GRM7: variants seen among roughly 807,000 people sequenced by gnomAD.
GRM7 encodes glutamate metabotropic receptor 7.
GRM7 carries 35 observed loss-of-function variants against 84.5 expected under a neutral mutation model. The ratio of observed to expected loss-of-function variants is 0.41; its 90% CI spans 0.32 to 0.55. GRM7 has a LOEUF of 0.55. Ranked by LOEUF, GRM7 falls within the 20% of genes least tolerant of loss-of-function variation. GRM7 has a pLI of 0.19. For synonymous variants in GRM7, 487 were observed against 455.1 expected, an observed-to-expected ratio of 1.07 and a Z score of -0.89; for missense variants, 1,003 against 1,194.6, an observed-to-expected ratio of 0.84 and a Z score of 2.36.
chr3:7,208,687 C>T (rs1465252300), intron 2 of GRM7, among the ~76,000 whole-genome samples: 1 of 152,152 alleles, frequency 6.6e-6, no homozygotes, highest in Admixed American at 6.5e-5. Context: ...TGGGTGCTTA[C>T]TGATACATCT....
intron 4 of GRM7, among the ~76,000 whole-genome samples, chr3:7,386,825 T>C (rs896443051): frequency 3.3e-5 from 5 of 152,168 alleles, no homozygotes; most frequent in African/African-American, 7.2e-5. Context: ...TTCTGTTTCT[T>C]GTCCTTTGAG....
At chr3:7,454,629 C>T (rs73015552) in intron 6 of GRM7, among the ~76,000 whole-genome samples, 1 of 151,836 alleles carries the variant, frequency 6.6e-6, no homozygotes, top group African/African-American at 2.4e-5. Flanking sequence ...TGAAGCTAAT[C>T]TATGTATATA....
chr3:7,087,392 CTTTT>C (rs55998387), intron 1 of GRM7, among the ~76,000 whole-genome samples: 5 of 147,140 alleles, frequency 3.4e-5, no homozygotes, highest in African/African-American at 7.4e-5. Flanking sequence ...AGAATATGCT[CTTTT>C]TTTTTTTTTT....
intron 1 of GRM7, among the ~76,000 whole-genome samples, chr3:6,967,488 C>T (rs1456558233): frequency 3.3e-5 from 5 of 152,188 alleles, no homozygotes; most frequent in African/African-American, 9.6e-5. Context: ...AGCCACCACG[C>T]CTGGCTCGGA....
chr3:7,243,475 G>A (rs943159254), intron 2 of GRM7, among the ~76,000 whole-genome samples: 1 of 152,026 alleles, frequency 6.6e-6, no homozygotes, highest in Non-Finnish European at 1.5e-5. Flanking sequence ...AGGCTTCTGG[G>A]TTAAAATCCT....
chr3:7,450,187 C>T (rs780617925), intron 5 of GRM7, among the ~76,000 whole-genome samples: 7 of 151,976 alleles, frequency 4.6e-5, no homozygotes, highest in African/African-American at 7.2e-5. Context: ...GAAAGAAGCT[C>T]ATTTTCCTTT....
intron 1 of GRM7, among the ~76,000 whole-genome samples, chr3:6,912,173 A>C (rs1303313263): frequency 6.6e-6 from 1 of 152,190 alleles, no homozygotes; most frequent in African/African-American, 2.4e-5. Context: ...AAGTAAAGGA[A>C]AGTAATAAAA....
At chr3:7,403,668 T>G (rs1695550843) in intron 4 of GRM7, among the ~76,000 whole-genome samples, 2 of 144,586 alleles carry the variant, frequency 1.4e-5, no homozygotes, top group South Asian at 4.3e-4. Flanking sequence ...CACACACATT[T>G]TTACATATAT....
intron 8 of GRM7, among the ~76,000 whole-genome samples, chr3:7,674,905 G>A (rs1700066089): frequency 6.6e-6 from 1 of 152,212 alleles, no homozygotes; most frequent in Non-Finnish European, 1.5e-5. Context: ...ATGGATGACT[G>A]TACAAGTAGT....
At chr3:7,701,298 A>AT (rs35986412) in intron 9 of GRM7, among the ~76,000 whole-genome samples, 59,259 of 120,560 alleles carry the variant, frequency 0.49, 15,570 homozygotes, top group Non-Finnish European at 0.58. Context: ...CTGTGGTTGC[A>AT]TTTTTTTTTT....
At chr3:7,404,998 G>C (rs1695614201) in intron 4 of GRM7, among the ~76,000 whole-genome samples, 1 of 152,076 alleles carries the variant, frequency 6.6e-6, no homozygotes, top group South Asian at 2.1e-4. Flanking sequence ...TCTTCCAAGA[G>C]AGCATATTGA....
chr3:7,440,470 C>G (rs1426881746), intron 5 of GRM7, among the ~76,000 whole-genome samples: 3 of 152,106 alleles, frequency 2.0e-5, no homozygotes, highest in Non-Finnish European at 4.4e-5. Flanking sequence ...AGACATACAA[C>G]TAGAGATAAA....
At chr3:7,040,901 G>A (rs890234908) in intron 1 of GRM7, among the ~76,000 whole-genome samples, 6 of 151,660 alleles carry the variant, frequency 4.0e-5, no homozygotes, top group African/African-American at 1.5e-4. Context: ...TGGGCAAAAC[G>A]GTGAAACCCA....
intron 1 of GRM7, among the ~76,000 whole-genome samples, chr3:7,007,424 T>G (rs1695220671): frequency 6.6e-6 from 1 of 152,308 alleles, no homozygotes; most frequent in Admixed American, 6.5e-5. Context: ...TCCCCAAAAA[T>G]AGAAATAATA....
intron 8 of GRM7, among the ~76,000 whole-genome samples, chr3:7,634,212 T>C (rs187956347): frequency 2.6e-5 from 4 of 152,230 alleles, no homozygotes; most frequent in Admixed American, 1.3e-4. Context: ...GTGTAACTAA[T>C]ATTATCCTAG....
chr3:7,396,721 A>T (rs897686366), intron 4 of GRM7, among the ~76,000 whole-genome samples: 2 of 152,106 alleles, frequency 1.3e-5, no homozygotes, highest in Non-Finnish European at 2.9e-5. Flanking sequence ...TTTCATGAGG[A>T]ATGCATAAAC....
At chr3:6,952,769 T>C (rs1478817485) in intron 1 of GRM7, among the ~76,000 whole-genome samples, 1 of 152,216 alleles carries the variant, frequency 6.6e-6, no homozygotes, top group Non-Finnish European at 1.5e-5. Context: ...CAGCCCCTAT[T>C]ACTCTAATTT....
chr3:7,670,489 C>T (rs1699872358), intron 8 of GRM7, among the ~76,000 whole-genome samples: 1 of 152,138 alleles, frequency 6.6e-6, no homozygotes, highest in South Asian at 2.1e-4. Context: ...GTCTTCTTGT[C>T]GATGACACTG....
intron 1 of GRM7, among the ~76,000 whole-genome samples, chr3:7,114,980 G>A (rs537966214): frequency 6.6e-6 from 1 of 152,258 alleles, no homozygotes; most frequent in Non-Finnish European, 1.5e-5. Flanking sequence ...CTCGGATGAG[G>A]TAGTGAAAGG....
Sources: allele counts gnomAD v4.1 joint callset (sites outside exome capture counted in the v4.1 genomes callset), GRCh38; gene constraint gnomAD v4.1.1; transcripts MANE v1.5; gene names NCBI Gene and HGNC (gene_info 2026-07-23, HGNC 2026-07-21).